SLC22A23: variants seen among roughly 807,000 people sequenced by gnomAD.
The protein encoded by SLC22A23 is ion transporter protein.
Under a neutral mutation model 61.0 loss-of-function variants are expected in SLC22A23, and 26 were observed. The ratio of observed to expected loss-of-function variants is 0.43; its 90% CI spans 0.31 to 0.59. The LOEUF (loss-of-function observed/expected upper bound fraction) is 0.59, where lower values mean the gene tolerates loss of function less well. Ranked by LOEUF, SLC22A23 falls within the 20% of genes least tolerant of loss-of-function variation. The pLI, the probability that SLC22A23 is intolerant of heterozygous loss-of-function variation, is 0.11. For synonymous variants in SLC22A23, 430 were observed against 413.9 expected, an observed-to-expected ratio of 1.04 and a Z score of -0.47; for missense variants, 796 against 934.7, an observed-to-expected ratio of 0.85 and a Z score of 1.94.
chr6:3,332,650 A>C (rs774496970), intron 3 of SLC22A23, among the ~76,000 whole-genome samples: 3 of 152,214 alleles, frequency 2.0e-5, no homozygotes, highest in Non-Finnish European at 4.4e-5. Flanking sequence ...TTTTAAATAC[A>C]AATATGTCTC....
chr6:3,374,513 G>A (rs1766434304), intron 3 of SLC22A23, among the ~76,000 whole-genome samples: 1 of 152,240 alleles, frequency 6.6e-6, no homozygotes, highest in Non-Finnish European at 1.5e-5. Context: ...AAGTTGAGGA[G>A]CCAAAGGAAG....
chr6:3,273,174 C>T lies in SLC22A23; in HGVS notation c.1942G>A (p.Glu648Lys), dbSNP rs1758589302. 4 of 1,612,870 alleles carry T rather than the reference C, an allele frequency of 2.5e-6. No individual in the cohort carries two copies. The South Asian group carries it at 3.3e-5, about 13-fold the overall frequency. Reference sequence around the variant, plus strand: ...GCGTTGGTGAGCAGCAGTGGCTGCTCCCCCTTCTTGTGCGGCAGCAGCGGC... The same window carrying T: ...GCGTTGGTGAGCAGCAGTGGCTGCTTCCCCTTCTTGTGCGGCAGCAGCGGC... ...RQPLLPHKKG[E>K]QPLLLTNAEL... The change falls in exon 10 of 10, where the codon GAG becomes AAG. Residue 648 changes from glutamate (E) to lysine (K), a missense_variant. Glu to Lys is a moderately conservative substitution (Grantham distance 56, BLOSUM62 1). Transcript: ENST00000406686.
chr6:3,326,259 A>T (rs1049130284), intron 3 of SLC22A23, among the ~76,000 whole-genome samples: 2 of 152,174 alleles, frequency 1.3e-5, no homozygotes, highest in Admixed American at 1.3e-4. Context: ...CTTTTCCTCC[A>T]AAGGTTGTCT....
chr6:3,275,597 A>C (rs1252904776), intron 9 of SLC22A23, among the ~76,000 whole-genome samples: 2 of 152,174 alleles, frequency 1.3e-5, no homozygotes, highest in Admixed American at 1.3e-4. Context: ...TATATAAAGA[A>C]CTTTTTTTTG....
chr6:3,317,629 G>A lies in SLC22A23; in HGVS notation c.1082+6205C>T, dbSNP rs1441903753. 1.3e-5 allele frequency among the ~76,000 whole-genome samples: 2 copies of A among 152,128 alleles called. No individual in the cohort carries two copies. Among genetic ancestry groups the A allele is most frequent in the African/African-American group, 2.4e-5 (1 of 41,414 alleles). ...CGCTAAATCCCTGCTGCTCTTTACCGAGTGACAATCAATGCCTGAGCAAAA... is the reference window on the plus strand; with the variant it reads ...CGCTAAATCCCTGCTGCTCTTTACCAAGTGACAATCAATGCCTGAGCAAAA... On this transcript the variant is annotated intron_variant, in intron 4 of 9. Transcript: ENST00000406686. The surrounding 1 kb of genome is among the most constrained non-coding windows in gnomAD (Gnocchi z 4.4).
intron 4 of SLC22A23, among the ~76,000 whole-genome samples, chr6:3,298,893 A>G (rs1210145847): frequency 1.3e-5 from 2 of 149,108 alleles, no homozygotes; most frequent in Non-Finnish European, 3.0e-5. Flanking sequence ...AATGGTGTGA[A>G]CCCGGGAAGC....
At chr6:3,368,161 C>T (rs762041462) in intron 3 of SLC22A23, among the ~76,000 whole-genome samples, 1 of 152,224 alleles carries the variant, frequency 6.6e-6, no homozygotes, top group Non-Finnish European at 1.5e-5. Context: ...CTTGGTCCTA[C>T]ATGACAAAGG....
chr6:3,365,525 T>A (rs1020285837), intron 3 of SLC22A23, among the ~76,000 whole-genome samples: 2 of 152,086 alleles, frequency 1.3e-5, no homozygotes, highest in Admixed American at 1.3e-4. Context: ...AGTGCTACCA[T>A]TTAGGTGCTG....
intron 5 of SLC22A23, among the ~76,000 whole-genome samples, chr6:3,293,360 C>A (rs574376193): frequency 6.6e-6 from 1 of 152,230 alleles, no homozygotes; most frequent in South Asian, 2.1e-4. Context: ...GCCCCACACC[C>A]GTGTTGGGAA....
At position 3,322,322 on chromosome 6, in the gene SLC22A23, G is replaced by A. The variant is rs1462682829; in HGVS notation, c.1082+1512C>T. Among the ~76,000 whole-genome samples the A allele has an allele frequency of 6.6e-6, 1 of 152,220 alleles. No individual in the cohort carries two copies. Among genetic ancestry groups the A allele is most frequent in the Admixed American group, 6.5e-5 (1 of 15,286 alleles). ...TTGAACTCCGAAACAGCTAAGCCCA[G>A]CGAAGGCTGCCACAAGGGAGGGGGC... On this transcript the variant is annotated intron_variant, in intron 4 of 9. Coordinates refer to ENST00000406686, the MANE Select transcript of SLC22A23 (RefSeq NM_015482.2). This position sits in a 1 kb window ranked among gnomAD's most constrained non-coding sequence, Gnocchi z 4.1.
intron 5 of SLC22A23, among the ~76,000 whole-genome samples, chr6:3,293,451 C>T (rs778255913): frequency 3.9e-4 from 59 of 152,242 alleles, no homozygotes; most frequent in Admixed American, 8.5e-4. Flanking sequence ...CTCGGCCACT[C>T]GAATAAATGT....
At chr6:3,396,354 A>G (rs1284412373) in intron 3 of SLC22A23, among the ~76,000 whole-genome samples, 2 of 152,226 alleles carry the variant, frequency 1.3e-5, no homozygotes, top group Non-Finnish European at 2.9e-5. Flanking sequence ...TGAGGTCAAG[A>G]GATCGAGACC....
rs556741880 is a variant in SLC22A23, at chr6:3,315,482, C to A, written c.1082+8352G>T. ...CAAGCTATCTGTTCACATCGTGGAA[C>A]TGGACAGGACCATCAGATCTCACAG... On this transcript the variant is annotated intron_variant, in intron 4 of 9. Coordinates refer to ENST00000406686, the MANE Select transcript of SLC22A23 (RefSeq NM_015482.2). 3.3e-5 allele frequency among the ~76,000 whole-genome samples: 5 copies of A among 152,346 alleles called. No homozygotes were observed. In the South Asian group the frequency reaches 6.2e-4, roughly 19 times the overall value.
intron 3 of SLC22A23, among the ~76,000 whole-genome samples, chr6:3,362,190 G>T (rs971726993): frequency 1.7e-4 from 26 of 151,766 alleles, no homozygotes; most frequent in Non-Finnish European, 1.5e-5. Context: ...GATTGCCTGA[G>T]CTCAGGAGTT....
chr6:3,454,669 TAGA>T lies in SLC22A23; in HGVS notation c.654+1234_654+1236del, dbSNP rs1395413788. ...TGGGTGGGATCAAGGTGAACCCAGCTAGAAGGACCTTCCCCATTACCTTGCAGG... is the reference window on the plus strand; with the variant it reads ...TGGGTGGGATCAAGGTGAACCCAGCTAGGACCTTCCCCATTACCTTGCAGG... On this transcript the variant is annotated intron_variant, in intron 1 of 9. Coordinates refer to ENST00000406686, the MANE Select transcript of SLC22A23 (RefSeq NM_015482.2). This position sits in a 1 kb window ranked among gnomAD's most constrained non-coding sequence, Gnocchi z 4.3. 6.6e-6 allele frequency among the ~76,000 whole-genome samples: 1 copy of T among 152,162 alleles called. No individual in the cohort carries two copies. Among genetic ancestry groups the T allele is most frequent in the East Asian group, 1.9e-4 (1 of 5,198 alleles).
At chr6:3,301,381 T>C (rs1761592634) in intron 4 of SLC22A23, among the ~76,000 whole-genome samples, 2 of 152,214 alleles carry the variant, frequency 1.3e-5, no homozygotes, top group Non-Finnish European at 2.9e-5. Context: ...GTGATTTCTA[T>C]GAGAATTTTT....
rs1044592428 is a variant in SLC22A23, at chr6:3,318,940, A to G, written c.1082+4894T>C. Among the ~76,000 whole-genome samples, 1 of 152,116 alleles carries G rather than the reference A, an allele frequency of 6.6e-6. No individual in the cohort carries two copies. The highest frequency in any genetic ancestry group is 1.5e-5 in the Non-Finnish European group (1 of 68,026). On this transcript the variant is annotated intron_variant, in intron 4 of 9. Coordinates refer to ENST00000406686, the MANE Select transcript of SLC22A23 (RefSeq NM_015482.2). This position sits in a 1 kb window ranked among gnomAD's most constrained non-coding sequence, Gnocchi z 4.3. ...CAAGTCTCACCAGGGCCACTCTCAA[A>G]GCATCTCTCGAATCAGCCCTCTGCA...
chr6:3,446,712 A>G (rs1039548261), intron 1 of SLC22A23, among the ~76,000 whole-genome samples: 3 of 152,196 alleles, frequency 2.0e-5, no homozygotes, highest in Admixed American at 1.3e-4. Context: ...ACCTCTGGTC[A>G]GGCTGCCTTT....
rs879901352 is a variant in SLC22A23 at position 3,414,446 on chromosome 6, C to A, written c.758+1306G>T. The stretch of plus-strand genomic sequence containing the variant: ...CTTCTCTGTTGCTGTCCACAGAGAA[C>A]GTGTCCATGAGAAGCACTTGCAAAT... On this transcript the variant is annotated intron_variant, in intron 2 of 9. Coordinates refer to ENST00000406686, the MANE Select transcript of SLC22A23 (RefSeq NM_015482.2). This position sits in a 1 kb window ranked among gnomAD's most constrained non-coding sequence, Gnocchi z 5.1. 6.6e-6 allele frequency among the ~76,000 whole-genome samples: 1 copy of A among 152,112 alleles called. No homozygotes were observed. The highest frequency in any genetic ancestry group is 1.5e-5 in the Non-Finnish European group (1 of 68,020).
Sources: allele counts gnomAD v4.1 joint callset (sites outside exome capture counted in the v4.1 genomes callset), GRCh38; gene constraint gnomAD v4.1.1; non-coding constraint Gnocchi (gnomAD v3.1); transcripts MANE v1.5; gene names NCBI Gene and HGNC (gene_info 2026-07-23, HGNC 2026-07-21).